The following IL1RAPL2 variants were observed in gnomAD, a reference collection of about 807,000 sequenced individuals.
IL1RAPL2 encodes the protein interleukin 1 receptor accessory protein like 2, also known as X-linked interleukin-1 receptor accessory protein-like 2.
Under a neutral mutation model 44.1 loss-of-function variants are expected in IL1RAPL2, and 3 were observed. The observed-to-expected ratio is 0.07, with a 90% CI of 0.03 to 0.18. The LOEUF is 0.18. Ranked by LOEUF, IL1RAPL2 falls within the 10% of genes least tolerant of loss-of-function variation. IL1RAPL2 has a pLI of 1.00. For missense variants in IL1RAPL2, 391 were observed against 496.4 expected (o/e 0.79, Z 2.02); for synonymous variants, 181 against 178.8 (o/e 1.01, Z -0.10).
chrX:104,923,940 G>A (rs1477712827), intron 2 of IL1RAPL2, among the ~76,000 whole-genome samples: 1 of 109,351 alleles, frequency 9.1e-6, no homozygotes, highest in African/African-American at 3.3e-5. Flanking sequence ...ACACCTACAT[G>A]CTCAAAGTAA....
intron 2 of IL1RAPL2, among the ~76,000 whole-genome samples, chrX:105,098,147 G>C (rs1488994482): frequency 1.8e-5 from 2 of 112,224 alleles, no homozygotes; most frequent in African/African-American, 6.5e-5. Flanking sequence ...ATCCCTGAGA[G>C]GTGAAATGTC....
chrX:104,955,430 G>A (rs982853183), intron 2 of IL1RAPL2, among the ~76,000 whole-genome samples: 7 of 107,190 alleles, frequency 6.5e-5, no homozygotes, highest in Non-Finnish European at 1.3e-4. Flanking sequence ...CCCTCTGTCC[G>A]GACAACAGAA....
At chrX:105,722,044 A>G (rs979562627) in intron 7 of IL1RAPL2, among the ~76,000 whole-genome samples, 5 of 111,628 alleles carry the variant, frequency 4.5e-5, no homozygotes, top group African/African-American at 1.6e-4. Flanking sequence ...AGGTGATTTC[A>G]TTATTGTGCA....
chrX:105,445,873 G>A lies in IL1RAPL2; in HGVS notation c.698-38440G>A, dbSNP rs1373850631. On this transcript the variant is annotated intron_variant, in intron 5 of 10. Transcript: ENST00000372582. ...AATAATGTGTATTTTTCAGGTGTTA[G>A]ATGAATTATTCTACAAATTTCTATT... Among the ~76,000 whole-genome samples, 4 of 111,441 alleles carry A rather than the reference G, an allele frequency of 3.6e-5. No homozygotes were observed. The Admixed American group carries it at 3.8e-4, about 11-fold the overall frequency.
chrX:104,605,490 T>C (rs1928987924), intron 1 of IL1RAPL2, among the ~76,000 whole-genome samples: 1 of 110,946 alleles, frequency 9.0e-6, no homozygotes, highest in African/African-American at 3.3e-5. Flanking sequence ...GAAGGAGATA[T>C]AGACATGAAA....
chrX:104,585,337 T>TATATA lies in IL1RAPL2; in HGVS notation c.-20+18287_-20+18291dup, dbSNP rs1928521486. On this transcript the variant is annotated intron_variant, in intron 1 of 10. Transcript: ENST00000372582. ...AATATATATTATATATAATATATAT[T>TATATA]ATATATTATATATATTATATATATT... Among the ~76,000 whole-genome samples the TATATA allele has an allele frequency of 5.0e-4, 6 of 11,941 alleles. No homozygotes were observed. The African/African-American group carries it at 5.0e-3, about 10-fold the overall frequency. The allele number at this position is 11,941 out of a possible 115,157, so 10.4% of individuals were successfully genotyped here.
chrX:105,226,334 TA>T (rs2034014036), intron 3 of IL1RAPL2, among the ~76,000 whole-genome samples: 1 of 109,022 alleles, frequency 9.2e-6, no homozygotes, highest in African/African-American at 3.3e-5. Flanking sequence ...GCTAAATTTT[TA>T]GTGCATAAGT....
intron 6 of IL1RAPL2, among the ~76,000 whole-genome samples, chrX:105,616,516 C>T (rs983396842): frequency 1.8e-5 from 2 of 111,512 alleles, no homozygotes; most frequent in Admixed American, 9.5e-5. Context: ...TTTTAATTTG[C>T]ATTTCTCTGA....
intron 6 of IL1RAPL2, among the ~76,000 whole-genome samples, chrX:105,522,230 G>A (rs2036564108): frequency 8.9e-6 from 1 of 111,907 alleles, no homozygotes; most frequent in African/African-American, 3.3e-5. Flanking sequence ...TTGACATAAA[G>A]TATATCTGCA....
At chrX:105,135,500 A>G (rs749073075) in intron 2 of IL1RAPL2, among the ~76,000 whole-genome samples, 2 of 111,924 alleles carry the variant, frequency 1.8e-5, no homozygotes, top group Non-Finnish European at 3.8e-5. Context: ...TTGCAATAGC[A>G]TAATACAGAT....
intron 2 of IL1RAPL2, among the ~76,000 whole-genome samples, chrX:104,956,735 A>G (rs1251083534): frequency 9.0e-6 from 1 of 111,612 alleles, no homozygotes; most frequent in African/African-American, 3.3e-5. Context: ...AGGCACCATT[A>G]GGAGAAATTC....
intron 2 of IL1RAPL2, among the ~76,000 whole-genome samples, chrX:104,906,497 T>G (rs1335109988): frequency 2.7e-5 from 3 of 111,704 alleles, no homozygotes; most frequent in Non-Finnish European, 3.8e-5. Flanking sequence ...CCTAATTTCT[T>G]GAGAGTTTTT....
intron 2 of IL1RAPL2, among the ~76,000 whole-genome samples, chrX:104,965,575 T>C (rs907979762): frequency 6.3e-5 from 7 of 111,427 alleles, no homozygotes; most frequent in African/African-American, 2.3e-4. Context: ...TCCAAAGTTA[T>C]AAAACTGACA....
chrX:104,678,101 C>G lies in IL1RAPL2; in HGVS notation c.82+19106C>G, dbSNP rs530831244. Among the ~76,000 whole-genome samples the G allele has an allele frequency of 3.6e-5, 4 of 112,669 alleles. No homozygotes were observed. In the South Asian group the frequency reaches 1.5e-3, roughly 41 times the overall value. On this transcript the variant is annotated intron_variant, in intron 2 of 10. Transcript: ENST00000372582. ...GCTGTAGACCAGAGCTGTTCCTATT[C>G]GGCCATCTTGGCTCCTCCCCCCAAA...
chrX:104,607,949 G>A (rs978347901), intron 1 of IL1RAPL2, among the ~76,000 whole-genome samples: 6 of 111,838 alleles, frequency 5.4e-5, no homozygotes, highest in African/African-American at 1.6e-4. Context: ...TTGTGGCACA[G>A]TTCACAATAG....
chrX:105,410,558 A>G (rs2035687810), intron 5 of IL1RAPL2, among the ~76,000 whole-genome samples: 1 of 111,389 alleles, frequency 9.0e-6, no homozygotes, highest in Non-Finnish European at 1.9e-5. Context: ...TCTTCACACT[A>G]TTTCCCCTCC....
At chrX:104,710,547 C>A (rs1931439697) in intron 2 of IL1RAPL2, among the ~76,000 whole-genome samples, 1 of 111,246 alleles carries the variant, frequency 9.0e-6, no homozygotes, top group African/African-American at 3.3e-5. Flanking sequence ...TGGGACTAGA[C>A]TGAGATGTTC....
At chrX:105,205,160 G>A (rs1603007113) in intron 3 of IL1RAPL2, among the ~76,000 whole-genome samples, 1 of 111,028 alleles carries the variant, frequency 9.0e-6, no homozygotes, top group East Asian at 2.8e-4. Flanking sequence ...GGGCTTCACA[G>A]AGAAAGTGAC....
intron 5 of IL1RAPL2, among the ~76,000 whole-genome samples, chrX:105,443,594 C>T (rs1271309654): frequency 8.9e-6 from 1 of 112,108 alleles, no homozygotes; most frequent in African/African-American, 3.2e-5. Flanking sequence ...ATGAGTGGAA[C>T]ATATGGTGTT....
Sources: allele counts gnomAD v4.1 joint callset (sites outside exome capture counted in the v4.1 genomes callset), GRCh38; gene constraint gnomAD v4.1.1; transcripts MANE v1.5; gene names NCBI Gene and HGNC (gene_info 2026-07-23, HGNC 2026-07-21).